The following MALT1 variants were observed in gnomAD, a reference collection of about 807,000 sequenced individuals.
MALT1 encodes the protein mucosa-associated lymphoid tissue lymphoma translocation protein 1.
Under a neutral mutation model 85.5 loss-of-function variants are expected in MALT1, and 36 were observed. That is an observed-to-expected ratio of 0.42 (90% confidence interval 0.32 to 0.56). The LOEUF is 0.56. Among genes scored for constraint, MALT1 ranks in the 20% least tolerant of loss-of-function variants. The pLI is 0.10. For synonymous variants in MALT1, 359 were observed against 361.3 expected, an observed-to-expected ratio of 0.99 and a Z score of 0.07; for missense variants, 716 against 981.6, an observed-to-expected ratio of 0.73 and a Z score of 3.62.
Position 58,671,634 on chromosome 18 carries a change from G to C in MALT1, c.-10G>C. The C allele has an allele frequency of 2.5e-6, 3 of 1,213,532 alleles. No homozygotes were observed. Among genetic ancestry groups the C allele is most frequent in the Non-Finnish European group, 3.1e-6 (3 of 976,116 alleles). The allele number at this position is 1,213,532 out of a possible 1,614,324, so 75.2% of individuals were successfully genotyped here. ...GGAGCCCCGGCAGTCCGGGGTCGCCGGCGAGGGCCATGTCGCTGTTGGGGG... is the reference window on the plus strand; with the variant it reads ...GGAGCCCCGGCAGTCCGGGGTCGCCCGCGAGGGCCATGTCGCTGTTGGGGG... On this transcript the variant is annotated 5_prime_UTR_variant, in exon 1 of 17. Coordinates refer to ENST00000649217, the MANE Select transcript of MALT1 (RefSeq NM_006785.4).
rs372239744 is a variant in MALT1 at position 58,741,998 on chromosome 18, G to C, written c.1737G>C (p.Gln579His). 6 of 1,536,762 alleles carry C rather than the reference G, an allele frequency of 3.9e-6. No homozygotes were observed. Among genetic ancestry groups the C allele is most frequent in the Non-Finnish European group, 4.4e-6 (5 of 1,124,616 alleles). Residue 579 changes from glutamine (Q) to histidine (H), a missense_variant, in exon 14 of 17, where the codon CAG (glutamine) becomes CAC (histidine). Coordinates refer to ENST00000649217, the MANE Select transcript of MALT1 (RefSeq NM_006785.4). ...YSAESLVRNL[Q>H]WAKAHELPES... ...CTGAATCTCTTGTGCGGAATCTACA[G>C]TGGGCCAAGGCTCATGGTACGGTAA...
In MALT1 at chr18:58,747,844, C is replaced by T. The variant is rs776255969; in HGVS notation, c.*2C>T. On this transcript the variant is annotated 3_prime_UTR_variant, in exon 17 of 17. Transcript: ENST00000649217. ...AGGCTCAGAATTTCTGAAAAATGAC[C>T]TCCTTGTTTTTGAAAGTTAGCATAA... The T allele has an allele frequency of 1.9e-6, 3 of 1,608,496 alleles. No homozygotes were observed. Among genetic ancestry groups the T allele is most frequent in the African/African-American group, 2.7e-5 (2 of 74,660 alleles).
intron 4 of MALT1, among the ~76,000 whole-genome samples, chr18:58,704,248 C>T (rs2144371629): frequency 6.6e-6 from 1 of 152,272 alleles, no homozygotes; most frequent in East Asian, 1.9e-4. Context: ...TTCTTAACTG[C>T]CAAAGTTTCC....
chr18:58,689,951 G>A (rs1018076349), intron 2 of MALT1, among the ~76,000 whole-genome samples: 1 of 152,156 alleles, frequency 6.6e-6, no homozygotes, highest in African/African-American at 2.4e-5. Flanking sequence ...GAGCGGAGGG[G>A]CCAAAGGAGC....
intron 2 of MALT1, among the ~76,000 whole-genome samples, chr18:58,686,880 C>T (rs1184212398): frequency 6.6e-6 from 1 of 151,996 alleles, no homozygotes; most frequent in African/African-American, 2.4e-5. Context: ...AAATTTTAAC[C>T]AACAAACATT....
intron 2 of MALT1, among the ~76,000 whole-genome samples, chr18:58,687,687 T>C (rs188688640): frequency 4.6e-5 from 7 of 152,336 alleles, no homozygotes. Flanking sequence ...TTGGAAAAAG[T>C]ATTTATTGAT....
At chr18:58,743,561 GAAACTTCATA>G (rs2055329701) in intron 14 of MALT1, among the ~76,000 whole-genome samples, 1 of 151,612 alleles carries the variant, frequency 6.6e-6, no homozygotes, top group South Asian at 2.1e-4. Flanking sequence ...AACAATAAAC[GAAACTTCATA>G]AAACAAAATG....
chr18:58,698,746 C>T (rs7227586), intron 3 of MALT1, among the ~76,000 whole-genome samples: 9,210 of 152,124 alleles, frequency 0.061, 957 homozygotes, highest in African/African-American at 0.21. Flanking sequence ...AGTTATGTAG[C>T]TAATTTAGTA....
At chr18:58,729,615 T>G (rs2055118092) in intron 10 of MALT1, among the ~76,000 whole-genome samples, 1 of 152,190 alleles carries the variant, frequency 6.6e-6, no homozygotes, top group East Asian at 1.9e-4. Flanking sequence ...TTTAATTTTC[T>G]CATCTATAAA....
chr18:58,730,767 A>T (rs1602331561), intron 10 of MALT1, among the ~76,000 whole-genome samples: 1 of 152,230 alleles, frequency 6.6e-6, no homozygotes, highest in South Asian at 2.1e-4. Context: ...TGAGGGTTCC[A>T]ATTTCTCTGC....
intron 13 of MALT1, among the ~76,000 whole-genome samples, chr18:58,739,424 A>C (rs1002214334): frequency 1.3e-5 from 2 of 152,218 alleles, no homozygotes; most frequent in Non-Finnish European, 2.9e-5. Context: ...ATGGAGGACA[A>C]CCAAGATGGT....
rs2055437476 is a variant in MALT1, at chr18:58,750,903, T to C, written c.*3061T>C. 6.6e-6 allele frequency: 1 copy of C among 152,148 alleles called. No individual in the cohort carries two copies. The highest frequency in any genetic ancestry group is 6.5e-5 in the Admixed American group (1 of 15,272). 9.4% of individuals were successfully genotyped at this position (152,148 alleles called of 1,614,324 possible). On this transcript the variant is annotated 3_prime_UTR_variant, in exon 17 of 17. Coordinates refer to ENST00000649217, the MANE Select transcript of MALT1 (RefSeq NM_006785.4). ...TTCATCAAAATTAACTTTAGCGCCT[T>C]AAAGGACACCATTAAGAAAGTGAAG...
chr18:58,725,249 G>GA (rs530607793), intron 10 of MALT1, among the ~76,000 whole-genome samples: 88 of 152,248 alleles, frequency 5.8e-4, no homozygotes, highest in African/African-American at 2.0e-3. Context: ...TTGAACCCAG[G>GA]AGGCAGAGGT....
intron 9 of MALT1, among the ~76,000 whole-genome samples, chr18:58,722,710 T>C (rs755052176): frequency 6.6e-6 from 1 of 152,184 alleles, no homozygotes; most frequent in Non-Finnish European, 1.5e-5. Context: ...TCTCCAAAAG[T>C]CTAGTTGAAT....
At position 58,749,193 on chromosome 18, in the gene MALT1, A is replaced by AT. The variant is rs1237416137; in HGVS notation, c.*1353dup. The AT allele has an allele frequency of 1.4e-5, 3 of 217,378 alleles. No homozygotes were observed. The Admixed American group carries it at 1.7e-4, about 13-fold the overall frequency. The allele number at this position is 217,378 out of a possible 1,614,324, so 13.5% of individuals were successfully genotyped here. A position where few individuals can be genotyped will look rare whatever the true frequency, so the allele number is the denominator to read the frequency against. ...CAGAATATTCTCCCATAAACACTGA[A>AT]TTAAATATGGAACAACTGCTTTTAG... On this transcript the variant is annotated 3_prime_UTR_variant, in exon 17 of 17. Transcript: ENST00000649217.
chr18:58,696,362 T>G lies in MALT1; in HGVS notation c.377-4T>G, dbSNP rs1200697567. 2.1e-6 allele frequency: 3 copies of G among 1,399,296 alleles called. No individual in the cohort carries two copies. The highest frequency in any genetic ancestry group is 2.8e-6 in the Non-Finnish European group (3 of 1,070,478). 86.7% of individuals were successfully genotyped at this position (1,399,296 alleles called of 1,614,324 possible). On this transcript the variant is annotated splice_polypyrimidine_tract_variant and splice_region_variant and intron_variant, in intron 2 of 16. Transcript: ENST00000649217. ...ATTTTTTTTTTTTTTTTTTTTTTTT[T>G]TAGGAATAAAGATTACTGTAAACCC...
intron 10 of MALT1, among the ~76,000 whole-genome samples, chr18:58,727,358 C>T (rs1026786388): frequency 1.3e-5 from 2 of 152,020 alleles, no homozygotes; most frequent in Admixed American, 6.6e-5. Flanking sequence ...GGCTGGAGTG[C>T]GGTGGCGCAA....
intron 4 of MALT1, among the ~76,000 whole-genome samples, chr18:58,701,723 A>G (rs1333384092): frequency 6.6e-6 from 1 of 152,246 alleles, no homozygotes; most frequent in Non-Finnish European, 1.5e-5. Context: ...AACAGAAAGC[A>G]GGAAGACTTT....
At chr18:58,696,877 G>T (rs2054598375) in intron 3 of MALT1, among the ~76,000 whole-genome samples, 1 of 152,138 alleles carries the variant, frequency 6.6e-6, no homozygotes, top group African/African-American at 2.4e-5. Flanking sequence ...TTCTTTTTAA[G>T]AATTCCACAT....
Sources: allele counts gnomAD v4.1 joint callset (sites outside exome capture counted in the v4.1 genomes callset), GRCh38; gene constraint gnomAD v4.1.1; transcripts MANE v1.5; gene names NCBI Gene and HGNC (gene_info 2026-07-23, HGNC 2026-07-21).